The following FER variants were observed in gnomAD, a reference collection of about 807,000 sequenced individuals.
FER encodes tyrosine-protein kinase Fer.
Under a neutral mutation model 111.0 loss-of-function variants are expected in FER, and 63 were observed. The ratio of observed to expected loss-of-function variants is 0.57; its 90% CI spans 0.46 to 0.70. The LOEUF is 0.70. Ranked by LOEUF, FER falls within the 30% of genes least tolerant of loss-of-function variation. The pLI, the probability that FER is intolerant of heterozygous loss-of-function variation, is 0.00. For synonymous variants in FER, 327 were observed against 313.9 expected, an observed-to-expected ratio of 1.04 and a Z score of -0.44; for missense variants, 914 against 954.0, an observed-to-expected ratio of 0.96 and a Z score of 0.55.
intron 14 of FER, among the ~76,000 whole-genome samples, chr5:109,042,711 T>G (rs1771351074): frequency 6.6e-6 from 1 of 152,066 alleles, no homozygotes; most frequent in Non-Finnish European, 1.5e-5. Context: ...CAAGAAAGTC[T>G]TCATGAACAA....
At position 108,935,435 on chromosome 5, in the gene FER, C is replaced by G. The variant is rs1755323801; in HGVS notation, c.1237-10695C>G. On this transcript the variant is annotated intron_variant, in intron 10 of 19. Coordinates refer to ENST00000281092, the MANE Select transcript of FER (RefSeq NM_005246.4). ...ATTGGATTTAGGGTCCCTGGATAAT[C>G]CTGTTTGATCTCATGTTGAGACCCT... Among the ~76,000 whole-genome samples the G allele has an allele frequency of 2.0e-5, 3 of 152,044 alleles. 1 individual carries two copies. The South Asian group carries it at 6.2e-4, about 31-fold the overall frequency.
chr5:108,916,497 G>C (rs1194116573), intron 10 of FER, among the ~76,000 whole-genome samples: 8 of 152,122 alleles, frequency 5.3e-5, no homozygotes, highest in African/African-American at 1.9e-4. Flanking sequence ...TGTAGCATTG[G>C]ATCGGGAGGG....
intron 2 of FER, among the ~76,000 whole-genome samples, chr5:108,793,341 C>T (rs1755594487): frequency 6.6e-6 from 1 of 152,156 alleles, no homozygotes; most frequent in South Asian, 2.1e-4. Flanking sequence ...AGATCTCACT[C>T]TTTTTAATGG....
intron 13 of FER, among the ~76,000 whole-genome samples, chr5:109,002,278 T>C (rs1287579319): frequency 2.0e-5 from 3 of 151,882 alleles, no homozygotes; most frequent in East Asian, 1.9e-4. Context: ...AGCGGAGATA[T>C]AGACCAATGG....
intron 10 of FER, among the ~76,000 whole-genome samples, chr5:108,920,642 C>T (rs1752901269): frequency 6.6e-6 from 1 of 152,056 alleles, no homozygotes; most frequent in Non-Finnish European, 1.5e-5. Flanking sequence ...CAAATCTGAC[C>T]TCTTGATAAC....
At position 109,137,023 on chromosome 5, in the gene FER, T is replaced by C. The variant is rs192829724; in HGVS notation, c.2048+36504T>C. 2.6e-4 allele frequency among the ~76,000 whole-genome samples: 39 copies of C among 152,324 alleles called. No homozygotes were observed. In the East Asian group the frequency reaches 6.7e-3, roughly 26 times the overall value. On this transcript the variant is annotated intron_variant, in intron 17 of 19. Coordinates refer to ENST00000281092, the MANE Select transcript of FER (RefSeq NM_005246.4). ...GGCTATACAACTTGTCTGTATAAAC[T>C]AGTGCTGTGCGTTAAAATAGCATTT... is the stretch of plus-strand genomic sequence containing the variant.
chr5:108,839,927 A>C (rs2150151305), intron 5 of FER, among the ~76,000 whole-genome samples: 1 of 152,170 alleles, frequency 6.6e-6, no homozygotes, highest in South Asian at 2.1e-4. Flanking sequence ...ATCGGGACTG[A>C]CTTTAATTTA....
chr5:108,894,260 C>G (rs976975657), intron 9 of FER: 6 of 417,690 alleles, frequency 1.4e-5, no homozygotes, highest in African/African-American at 1.1e-4. Context: ...CAAACAAAAC[C>G]TCTTCAAGTA....
chr5:108,788,198 G>T (rs185308880), intron 2 of FER, among the ~76,000 whole-genome samples: 3 of 152,176 alleles, frequency 2.0e-5, no homozygotes, highest in African/African-American at 7.2e-5. Flanking sequence ...CTGAAGCTAC[G>T]TGTTGTATGT....
intron 18 of FER, 70 bp downstream of exon 18, chr5:109,180,971 A>T: frequency 7.5e-7 from 1 of 1,326,658 alleles, no homozygotes; most frequent in African/African-American, 1.5e-5. Flanking sequence ...TTCACAAGCA[A>T]TATTTACAGG....
At chr5:109,049,470 CT>C (rs1772445756) in intron 16 of FER, among the ~76,000 whole-genome samples, 2 of 152,170 alleles carry the variant, frequency 1.3e-5, no homozygotes, top group South Asian at 4.1e-4. Flanking sequence ...TTCACATCGT[CT>C]TTCTATCTTC....
At chr5:108,903,057 T>C (rs559708701) in intron 10 of FER, among the ~76,000 whole-genome samples, 169 of 152,286 alleles carry the variant, frequency 1.1e-3, no homozygotes, top group African/African-American at 3.8e-3. Context: ...TTATTTAACT[T>C]TATGACAATA....
intron 13 of FER, among the ~76,000 whole-genome samples, chr5:108,974,870 A>G (rs956652596): frequency 6.6e-6 from 1 of 152,226 alleles, no homozygotes; most frequent in Non-Finnish European, 1.5e-5. Flanking sequence ...CTCTGCAGAC[A>G]TTATGATTTT....
At chr5:108,835,931 A>T in intron 5 of FER, 124 bp downstream of exon 5, 1 of 509,822 alleles carries the variant, frequency 2.0e-6, no homozygotes, top group Non-Finnish European at 3.5e-6. Flanking sequence ...CTCAAAATAA[A>T]CCCACATTGG....
intron 10 of FER, among the ~76,000 whole-genome samples, chr5:108,899,069 G>T (rs1749612545): frequency 7.1e-6 from 1 of 140,468 alleles, no homozygotes; most frequent in African/African-American, 2.7e-5. Flanking sequence ...GATTAAGTGG[G>T]TTCATATGTC....
At chr5:108,827,969 A>G (rs951252990) in intron 3 of FER, among the ~76,000 whole-genome samples, 1 of 151,978 alleles carries the variant, frequency 6.6e-6, no homozygotes, top group Non-Finnish European at 1.5e-5. Context: ...AGCTAGGACT[A>G]TAGAAACAAG....
In FER at chr5:108,953,864, G is replaced by A. The variant is rs1187682148; in HGVS notation, c.1330-865G>A. Among the ~76,000 whole-genome samples the A allele has an allele frequency of 2.0e-5, 3 of 151,986 alleles. No individual in the cohort carries two copies. The East Asian group carries it at 5.8e-4, about 29-fold the overall frequency. On this transcript the variant is annotated intron_variant, in intron 11 of 19. Transcript: ENST00000281092. ...CCGCAAAGTACTCTCTCTATCTGGA[G>A]CAGTTTAGTTCCTGTGTGCCATAAA...
chr5:109,184,648 GTA>G (rs1758660081), intron 18 of FER, among the ~76,000 whole-genome samples: 1 of 152,178 alleles, frequency 6.6e-6, no homozygotes, highest in Non-Finnish European at 1.5e-5. Flanking sequence ...TTCATGAAAA[GTA>G]TTAAATTATT....
At chr5:108,794,302 C>G (rs1755739152) in intron 2 of FER, among the ~76,000 whole-genome samples, 1 of 151,504 alleles carries the variant, frequency 6.6e-6, no homozygotes, top group African/African-American at 2.4e-5. Flanking sequence ...ACTGCAATCT[C>G]CGCCTCCCAG....
Sources: allele counts gnomAD v4.1 joint callset (sites outside exome capture counted in the v4.1 genomes callset), GRCh38; gene constraint gnomAD v4.1.1; transcripts MANE v1.5; gene names NCBI Gene and HGNC (gene_info 2026-07-23, HGNC 2026-07-21).